Variants in COG6 observed in about 807,000 individuals in gnomAD.
COG6 encodes conserved oligomeric Golgi complex subunit 6.
A neutral mutation model predicts 88.8 loss-of-function variants in COG6; 74 were observed. That is an observed-to-expected ratio of 0.83 (90% confidence interval 0.69 to 1.01). The LOEUF (loss-of-function observed/expected upper bound fraction) is 1.01, where lower values mean the gene tolerates loss of function less well. Among genes scored for constraint, COG6 ranks in the 50% least tolerant of loss-of-function variants. The pLI is 0.00. For missense variants in COG6, 800 were observed against 797.9 expected, an observed-to-expected ratio of 1.00 and a Z score of -0.03; for synonymous variants, 286 against 278.7, an observed-to-expected ratio of 1.03 and a Z score of -0.26.
At chr13:39,705,383 A>G (rs1248247156) in intron 13 of COG6, among the ~76,000 whole-genome samples, 2 of 152,186 alleles carry the variant, frequency 1.3e-5, no homozygotes, top group African/African-American at 4.8e-5. Flanking sequence ...AGCAGTTTGA[A>G]GCACTTGAGT....
rs71298976 is a variant in COG6 at position 39,706,255 on chromosome 13, T to TTATATATATATATATA, written c.1284+6645_1284+6660dup. Among the ~76,000 whole-genome samples the TTATATATATATATATA allele has an allele frequency of 1.0e-3, 117 of 114,656 alleles. 4 individuals are homozygous for TTATATATATATATATA. The highest frequency in any genetic ancestry group is 2.6e-3 in the African/African-American group (79 of 30,790). 75.2% of individuals were successfully genotyped at this position (114,656 alleles called of 152,430 possible). A position where few individuals can be genotyped will look rare whatever the true frequency, so the allele number is the denominator to read the frequency against. ...CTCCTTTATATATATATATACTCCT[T>TTATATATATATATATA]TATATATATATATATATATATATTT... On this transcript the variant is annotated intron_variant, in intron 13 of 18. Coordinates refer to ENST00000455146, the MANE Select transcript of COG6 (RefSeq NM_020751.3).
rs186689681 is a variant in COG6 at position 39,726,012 on chromosome 13, T to G, written c.1746+1451T>G. Among the ~76,000 whole-genome samples the G allele has an allele frequency of 5.5e-3, 838 of 152,092 alleles. 7 individuals carry two copies. Among genetic ancestry groups the G allele is most frequent in the Admixed American group, 0.012 (189 of 15,276 alleles). On this transcript the variant is annotated intron_variant, in intron 17 of 18. Transcript: ENST00000455146. ...AAAATATTTGAAATGCCATTAAAAA[T>G]TCTTCATGTTCCTGGTGTTAATTTT...
intron 18 of COG6, 116 bp downstream of exon 18, chr13:39,727,664 A>G (rs956868617): frequency 1.1e-5 from 9 of 813,942 alleles, no homozygotes; most frequent in East Asian, 7.9e-5. Context: ...TTGAAAATCT[A>G]TAGTTCTCAA....
chr13:39,674,779 G>T (rs1347507935), intron 4 of COG6, among the ~76,000 whole-genome samples: 1 of 152,072 alleles, frequency 6.6e-6, no homozygotes, highest in Non-Finnish European at 1.5e-5. Context: ...TTTTTCTAAT[G>T]TGTGATGCTA....
intron 18 of COG6, among the ~76,000 whole-genome samples, chr13:39,772,729 G>T (rs1262931802): frequency 6.6e-6 from 1 of 152,188 alleles, no homozygotes; most frequent in Non-Finnish European, 1.5e-5. Flanking sequence ...AGGTAGCCAA[G>T]TACTTGATTT....
chr13:39,672,991 C>G (rs1398067410), intron 4 of COG6, among the ~76,000 whole-genome samples: 1 of 151,956 alleles, frequency 6.6e-6, no homozygotes, highest in Non-Finnish European at 1.5e-5. Flanking sequence ...CTAATGATGT[C>G]AAGCATCTTT....
intron 2 of COG6, among the ~76,000 whole-genome samples, chr13:39,660,561 A>G (rs1467078999): frequency 6.6e-6 from 1 of 152,212 alleles, no homozygotes; most frequent in African/African-American, 2.4e-5. Context: ...AGGGATATTC[A>G]GTTTTATAAA....
Position 39,733,189 on chromosome 13 carries a change from C to CTT in COG6, c.1826+5658_1826+5659dup, listed in dbSNP as rs914935008. Among the ~76,000 whole-genome samples the CTT allele has an allele frequency of 1.3e-3, 171 of 133,232 alleles. 1 individual carries two copies. The highest frequency in any genetic ancestry group is 2.3e-3 in the Non-Finnish European group (141 of 60,964). 87.4% of individuals were successfully genotyped at this position (133,232 alleles called of 152,430 possible). On this transcript the variant is annotated intron_variant, in intron 18 of 18. Transcript: ENST00000455146. ...GAAATGGGTACAAAAAGAAAGAATT[C>CTT]TTTTTTTTTTTTTTTTTTGGAGACG...
chr13:39,707,517 C>T (rs1878008209), intron 13 of COG6, among the ~76,000 whole-genome samples: 1 of 152,160 alleles, frequency 6.6e-6, no homozygotes, highest in African/African-American at 2.4e-5. Context: ...TTAGCTATCA[C>T]CCAGATAAGA....
intron 2 of COG6, 41 bp downstream of exon 2, chr13:39,659,548 CT>C: frequency 1.3e-6 from 2 of 1,556,254 alleles, no homozygotes; most frequent in Non-Finnish European, 1.8e-6. Flanking sequence ...TGAGAACTTA[CT>C]ATTACGCCTG....
At chr13:39,695,578 G>C (rs1158216607) in intron 12 of COG6, among the ~76,000 whole-genome samples, 1 of 151,754 alleles carries the variant, frequency 6.6e-6, no homozygotes, top group Non-Finnish European at 1.5e-5. Flanking sequence ...ACATTACCAG[G>C]AAAGGTTCAG....
Position 39,687,703 on chromosome 13 carries a change from A to C in COG6, c.918-5A>C, listed in dbSNP as rs2138007119. 3.1e-6 allele frequency: 5 copies of C among 1,613,904 alleles called. No individual in the cohort carries two copies. Among genetic ancestry groups the C allele is most frequent in the East Asian group, 4.5e-5 (2 of 44,888 alleles). ...AAATCTTCATTAACATTTAGTTTTC[A>C]TTAGGTATGTAGGAGATATGTTGGC... is the stretch of plus-strand genomic sequence containing the variant. On this transcript the variant is annotated splice_region_variant and splice_polypyrimidine_tract_variant and intron_variant, in intron 9 of 18. Transcript: ENST00000455146.
intron 8 of COG6, among the ~76,000 whole-genome samples, chr13:39,686,920 G>A (rs117009442): frequency 0.062 from 9,376 of 151,738 alleles, 386 homozygotes; most frequent in Non-Finnish European, 0.095. Context: ...TAATGAGAAA[G>A]GGTTTCATTA....
At position 39,727,481 on chromosome 13, in the gene COG6, C is replaced by T. The variant is rs144843064; in HGVS notation, c.1759C>T (p.Arg587Cys). 1,034 of 1,611,822 alleles carry T rather than the reference C, an allele frequency of 6.4e-4. 1 individual carries two copies. The highest frequency in any genetic ancestry group is 1.2e-3 in the Admixed American group (72 of 60,000). ...CTGTTTCATTTAGGTTCAGTTTGAT[C>T]GTTATCTGTCAGCCCCAGACAACCT... ...TLKAAMVQFD[R>C]YLSAPDNLLI... is the part of the protein sequence containing the mutation. Residue 587 changes from arginine (R) to cysteine (C), a missense_variant, in exon 18 of 19, where the codon CGT (arginine) becomes TGT (cysteine). Physicochemically the swap from Arg to Cys is radical, Grantham distance 180 (BLOSUM62 -3). Transcript: ENST00000455146.
At chr13:39,766,252 C>A (rs1369108305) in intron 18 of COG6, among the ~76,000 whole-genome samples, 1 of 152,214 alleles carries the variant, frequency 6.6e-6, no homozygotes, top group East Asian at 1.9e-4. Flanking sequence ...CCACCACCTA[C>A]CAATACTTCT....
At chr13:39,783,681 T>C (rs565085442) in intron 18 of COG6, among the ~76,000 whole-genome samples, 215 of 152,290 alleles carry the variant, frequency 1.4e-3, no homozygotes, top group Non-Finnish European at 1.0e-3. Context: ...TTCAATATTA[T>C]AAAATACAGT....
chr13:39,692,281 A>AT (rs939307975), intron 11 of COG6, among the ~76,000 whole-genome samples: 15 of 150,180 alleles, frequency 1.0e-4, no homozygotes, highest in Admixed American at 2.0e-4. Context: ...AATATATTAA[A>AT]TTTTTTTTTT....
chr13:39,736,622 C>T (rs1164102400), intron 18 of COG6, among the ~76,000 whole-genome samples: 2 of 152,032 alleles, frequency 1.3e-5, no homozygotes, highest in African/African-American at 2.4e-5. Flanking sequence ...ACCTGGGAGG[C>T]GGAGGTTACG....
chr13:39,745,529 C>A (rs529457252), intron 18 of COG6, among the ~76,000 whole-genome samples: 1 of 152,230 alleles, frequency 6.6e-6, no homozygotes, highest in East Asian at 1.9e-4. Flanking sequence ...AAATCAAAAC[C>A]ACAATGAGAT....
Sources: gnomAD v4.1 joint callset for allele counts (sites outside exome capture counted in the v4.1 genomes callset) on GRCh38, gnomAD v4.1.1 for gene constraint, MANE v1.5 for transcripts, NCBI Gene and HGNC (gene_info 2026-07-23, HGNC 2026-07-21) for gene names.